Variants in AASDH observed in about 807,000 individuals in gnomAD.
AASDH encodes beta-alanine-activating enzyme.
AASDH carries 81 observed loss-of-function variants against 102.3 expected under a neutral mutation model. That is an observed-to-expected ratio of 0.79 (90% confidence interval 0.66 to 0.95). AASDH has a LOEUF of 0.95. Among genes scored for constraint, AASDH ranks in the 40% least tolerant of loss-of-function variants. AASDH has a pLI of 0.00. For missense variants in AASDH, 1,203 were observed against 1,266.2 expected (o/e 0.95, Z 0.76); for synonymous variants, 398 against 454.0 (o/e 0.88, Z 1.57).
At chr4:56,340,583 A>G (rs1429661794) in intron 14 of AASDH, among the ~76,000 whole-genome samples, 2 of 152,240 alleles carry the variant, frequency 1.3e-5, no homozygotes, top group Non-Finnish European at 2.9e-5. Flanking sequence ...CTACTAGAAG[A>G]AAACATAAGG....
chr4:56,351,264 C>T, intron 10 of AASDH, 78 bp downstream of exon 10: 1 of 868,008 alleles, frequency 1.2e-6, no homozygotes, highest in Non-Finnish European at 1.8e-6. Context: ...TTTTATCCAA[C>T]TTGTTAGGAT....
intron 5 of AASDH, among the ~76,000 whole-genome samples, chr4:56,362,346 C>T (rs192383538): frequency 1.4e-4 from 22 of 152,236 alleles, no homozygotes; most frequent in Admixed American, 1.1e-3. Context: ...CTCACTGCAA[C>T]CTCCACCTCC....
rs1560573336 is a variant in AASDH at position 56,349,826 on chromosome 4, C to T, written c.1925G>A (p.Cys642Tyr). The T allele has an allele frequency of 1.2e-6, 2 of 1,614,140 alleles. No individual in the cohort carries two copies. The highest frequency in any genetic ancestry group is 1.7e-6 in the Non-Finnish European group (2 of 1,180,014). The change falls in exon 11 of 15, where the codon TGT (cysteine) becomes TAT (tyrosine). Residue 642 changes from cysteine to tyrosine, a missense_variant. Transcript: ENST00000205214. ...PDEDVTFRKS[C>Y]ATKRKLSDIN... Reference sequence around the variant, plus strand: ...GTCGCTGAGTTTCCTTTTTGTGGCACAACTCTTCCTGAATGTCACATCTTC... The same window carrying T: ...GTCGCTGAGTTTCCTTTTTGTGGCATAACTCTTCCTGAATGTCACATCTTC...
chr4:56,348,919 GAC>G (rs1748641586), intron 11 of AASDH: 1 of 261,868 alleles, frequency 3.8e-6, no homozygotes, highest in African/African-American at 2.2e-5. Context: ...GAAACTATGA[GAC>G]AATAAATTTG....
rs1753291206 is a variant in AASDH, at chr4:56,384,218, G to C, written c.82C>G (p.Gln28Glu). The change falls in exon 2 of 15, where the codon CAG becomes GAG. Residue 28 changes from glutamine (Q) to glutamate (E), a missense_variant. Physicochemically the swap from Gln to Glu is conservative, Grantham distance 29. Transcript: ENST00000205214. ...TTGTAGGTGTAGTAAACTGGAAGCT[G>C]GTTGTTGCATTCATCAAAACATACA... ...VAVCFDECNN[Q>E]LPVYYTYKTV... The C allele has an allele frequency of 1.2e-6, 2 of 1,613,992 alleles. No individual in the cohort carries two copies. Among genetic ancestry groups the C allele is most frequent in the African/African-American group, 2.7e-5 (2 of 74,914 alleles).
intron 14 of AASDH, among the ~76,000 whole-genome samples, chr4:56,339,392 AC>A (rs1399914708): frequency 6.6e-6 from 1 of 151,606 alleles, no homozygotes; most frequent in Non-Finnish European, 1.5e-5. Flanking sequence ...TGATCCGCCC[AC>A]CTCGGCCTCC....
At chr4:56,356,252 A>C (rs1749625748) in intron 5 of AASDH, 2 of 863,866 alleles carry the variant, frequency 2.3e-6, no homozygotes, top group South Asian at 2.7e-5. Context: ...GAATTTTGGC[A>C]CTGAGCAAGA....
At chr4:56,351,314 T>C (rs1407109838) in intron 10 of AASDH, 28 bp downstream of exon 10, 4 of 1,383,538 alleles carry the variant, frequency 2.9e-6, no homozygotes, top group Admixed American at 3.7e-5. Flanking sequence ...CTCTTTATAA[T>C]AATAATTTTA....
At chr4:56,361,957 G>C (rs1750352378) in intron 5 of AASDH, among the ~76,000 whole-genome samples, 1 of 152,158 alleles carries the variant, frequency 6.6e-6, no homozygotes, top group Admixed American at 6.5e-5. Flanking sequence ...GGGTAACAAA[G>C]CAAGACCCTG....
chr4:56,343,514 A>T, intron 13 of AASDH, 48 bp downstream of exon 13: 1 of 1,489,836 alleles, frequency 6.7e-7, no homozygotes, highest in East Asian at 2.5e-5. Context: ...AAAATTTTAC[A>T]AATTTAAAGA....
intron 3 of AASDH, 92 bp from the exon 4 acceptor site, chr4:56,378,556 A>AAGGATACTGAGGGATGACT: frequency 8.9e-7 from 1 of 1,129,486 alleles, no homozygotes; most frequent in Non-Finnish European, 1.2e-6. Flanking sequence ...GTCATCCCTC[A>AAGGATACTGAGGGATGACT]GTATCCTTGG....
At chr4:56,373,686 C>A (rs1752003220) in intron 4 of AASDH, among the ~76,000 whole-genome samples, 1 of 152,140 alleles carries the variant, frequency 6.6e-6, no homozygotes, top group Non-Finnish European at 1.5e-5. Context: ...GTATTCTTCA[C>A]ATATATTGTC....
At chr4:56,362,240 T>C (rs1345266380) in intron 5 of AASDH, among the ~76,000 whole-genome samples, 2 of 152,090 alleles carry the variant, frequency 1.3e-5, no homozygotes, top group Non-Finnish European at 1.5e-5. Flanking sequence ...TTTAGTAGTA[T>C]GTGTTTTGAC....
Position 56,349,394 on chromosome 4 carries a change from TAC to T in AASDH, c.2355_2356del (p.Tyr786HisfsTer7). On this transcript the variant is annotated frameshift_variant, in exon 11 of 15. Coordinates refer to ENST00000205214, the MANE Select transcript of AASDH (RefSeq NM_181806.4). LOFTEE classifies it high-confidence loss of function. ...CATTCTATGAGAATGGGAACCAATG[TAC>T]ACAGTTGTAGATGACTTATCAAAAG... The T allele has an allele frequency of 6.2e-7, 1 of 1,614,226 alleles. No homozygotes were observed. Among genetic ancestry groups the T allele is most frequent in the Non-Finnish European group, 8.5e-7 (1 of 1,180,040 alleles).
In AASDH at chr4:56,338,611, A is replaced by T. The variant is rs8340; in HGVS notation, c.3088T>A (p.Tyr1030Asn). The T allele has an allele frequency of 5.6e-6, 9 of 1,613,940 alleles. No individual in the cohort carries two copies. The highest frequency in any genetic ancestry group is 1.7e-5 in the Admixed American group (1 of 59,992). Residue 1030 changes from tyrosine (Y) to asparagine (N), a missense_variant, in exon 15 of 15, where the codon TAC becomes AAC. By Grantham distance (143) the Tyr-to-Asn change is moderately radical (BLOSUM62 -2). Coordinates refer to ENST00000205214, the MANE Select transcript of AASDH (RefSeq NM_181806.4). ...AGCAACATTTCATTGCTGCCATTGT[A>T]GTTATGGAAAGCAAACGGTGTTGCA... ...VYATPFAFHN[Y>N]NGSNEMLLAA...
rs752014185 is a variant in AASDH, at chr4:56,338,546, T to G, written c.3153A>C (p.Glu1051Asp). The change falls in exon 15 of 15, where the codon GAA becomes GAC. Residue 1051 changes from glutamate to aspartate, a missense_variant. Coordinates refer to ENST00000205214, the MANE Select transcript of AASDH (RefSeq NM_181806.4). ...ASTDGKVWIL[E>D]SQSGQLQSVY... ...CACTTTGCAATTGTCCACTCTGAGATTCCAAGATCCACACTTTCCCATCAG... is the reference window on the plus strand; with the variant it reads ...CACTTTGCAATTGTCCACTCTGAGAGTCCAAGATCCACACTTTCCCATCAG... 2.0e-5 allele frequency: 32 copies of G among 1,611,892 alleles called. No individual in the cohort carries two copies. The highest frequency in any genetic ancestry group is 1.7e-5 in the Non-Finnish European group (20 of 1,179,290).
At chr4:56,385,533 T>C (rs1753448911) in intron 1 of AASDH, among the ~76,000 whole-genome samples, 1 of 152,158 alleles carries the variant, frequency 6.6e-6, no homozygotes, top group South Asian at 2.1e-4. Flanking sequence ...GTTATTTTTT[T>C]CCCTCTCTGA....
chr4:56,382,574 T>G lies in AASDH; in HGVS notation c.254A>C (p.Tyr85Ser). Residue 85 changes from tyrosine to serine, a missense_variant, in exon 3 of 15, where the codon TAT (tyrosine) becomes TCT (serine). Coordinates refer to ENST00000205214, the MANE Select transcript of AASDH (RefSeq NM_181806.4). ...TGGTGAATCTGGCTCGATAGGTACA[T>G]AAGCAGCCGGGACTTGGAGAATTCT... Reference protein sequence around the residue: ...ILGILQVPAAYVPIEPDSPPS... With the variant: ...ILGILQVPAASVPIEPDSPPS... 1.2e-6 allele frequency: 2 copies of G among 1,610,684 alleles called. No homozygotes were observed. Among genetic ancestry groups the G allele is most frequent in the Non-Finnish European group, 1.7e-6 (2 of 1,179,154 alleles).
At chr4:56,346,988 C>T (rs954719090) in intron 11 of AASDH, among the ~76,000 whole-genome samples, 7 of 151,526 alleles carry the variant, frequency 4.6e-5, no homozygotes, top group African/African-American at 7.3e-5. Context: ...GTGTAGTAAG[C>T]CATGATGACG....
Sources: allele counts gnomAD v4.1 joint callset (sites outside exome capture counted in the v4.1 genomes callset), GRCh38; gene constraint gnomAD v4.1.1; transcripts MANE v1.5; gene names NCBI Gene and HGNC (gene_info 2026-07-23, HGNC 2026-07-21).